The following MTUS2 variants were observed in gnomAD, a reference collection of about 807,000 sequenced individuals.
The protein encoded by MTUS2 is microtubule associated scaffold protein 2.
MTUS2 carries 40 observed loss-of-function variants against 114.1 expected under a neutral mutation model. The ratio of observed to expected loss-of-function variants is 0.35; its 90% CI spans 0.27 to 0.46. The LOEUF is 0.46. Ranked by LOEUF, MTUS2 falls within the 20% of genes least tolerant of loss-of-function variation. The pLI is 1.00. For synonymous variants in MTUS2, 688 were observed against 672.0 expected, an observed-to-expected ratio of 1.02 and a Z score of -0.37; for missense variants, 1,679 against 1,705.4, an observed-to-expected ratio of 0.98 and a Z score of 0.27.
intron 4 of MTUS2, among the ~76,000 whole-genome samples, chr13:29,079,535 G>A (rs953030450): frequency 6.6e-6 from 1 of 152,014 alleles, no homozygotes; most frequent in African/African-American, 2.4e-5. Flanking sequence ...CAAGAGTTTT[G>A]TAGTTTTTTC....
chr13:29,130,917 A>T (rs1887749), intron 5 of MTUS2, among the ~76,000 whole-genome samples: 1 of 152,042 alleles, frequency 6.6e-6, no homozygotes, highest in Non-Finnish European at 1.5e-5. Flanking sequence ...AACTACTGCA[A>T]CCAGCCTATT....
intron 5 of MTUS2, among the ~76,000 whole-genome samples, chr13:29,217,702 T>C (rs531773922): frequency 6.6e-6 from 1 of 152,268 alleles, no homozygotes; most frequent in African/African-American, 2.4e-5. Flanking sequence ...TAACACATGA[T>C]GCTGTTTGAT....
intron 5 of MTUS2, among the ~76,000 whole-genome samples, chr13:29,189,272 G>A (rs1277936204): frequency 6.6e-6 from 1 of 152,194 alleles, no homozygotes; most frequent in African/African-American, 2.4e-5. Flanking sequence ...TGAACTTTTA[G>A]AAAGTATCTT....
At chr13:28,853,028 G>A (rs1876395896) in intron 2 of MTUS2, among the ~76,000 whole-genome samples, 1 of 122,736 alleles carries the variant, frequency 8.1e-6, no homozygotes, top group Non-Finnish European at 1.8e-5. Flanking sequence ...TCCTATGGAT[G>A]GATGGCATCT....
At chr13:28,970,706 T>C (rs1010887346) in intron 2 of MTUS2, among the ~76,000 whole-genome samples, 5 of 152,232 alleles carry the variant, frequency 3.3e-5, no homozygotes, top group African/African-American at 9.6e-5. Flanking sequence ...AAACTTAGTT[T>C]TCCCGGCCCT....
intron 5 of MTUS2, chr13:29,239,675 G>A (rs1896663504): frequency 6.6e-6 from 1 of 152,170 alleles, no homozygotes; most frequent in Non-Finnish European, 1.5e-5. Context: ...ACACATGTGT[G>A]GGGAAGGGCA....
intron 5 of MTUS2, among the ~76,000 whole-genome samples, chr13:29,157,258 A>G (rs1403098285): frequency 6.6e-6 from 1 of 152,096 alleles, no homozygotes; most frequent in Non-Finnish European, 1.5e-5. Context: ...TCATGTGCAC[A>G]CCTCTACCAC....
intron 8 of MTUS2, among the ~76,000 whole-genome samples, chr13:29,374,349 T>C (rs1342897161): frequency 6.6e-6 from 1 of 151,740 alleles, no homozygotes; most frequent in Non-Finnish European, 1.5e-5. Flanking sequence ...GGAAGCTCAG[T>C]GAACCACAAA....
chr13:29,454,693 G>A (rs1390376789), intron 9 of MTUS2, among the ~76,000 whole-genome samples: 1 of 152,168 alleles, frequency 6.6e-6, no homozygotes, highest in African/African-American at 2.4e-5. Context: ...GTAATCAGTG[G>A]CTGCTCAGTG....
chr13:29,268,181 T>C (rs556673749), intron 5 of MTUS2, among the ~76,000 whole-genome samples: 1 of 152,156 alleles, frequency 6.6e-6, no homozygotes, highest in East Asian at 1.9e-4. Flanking sequence ...CGGTGTGTGA[T>C]AGGCATCAGA....
chr13:29,090,599 G>A (rs1275996363), intron 4 of MTUS2, among the ~76,000 whole-genome samples: 1 of 152,220 alleles, frequency 6.6e-6, no homozygotes, highest in South Asian at 2.1e-4. Context: ...AACTATGGCA[G>A]TGGCTGCCAG....
At chr13:28,874,605 G>A (rs1877822899) in intron 2 of MTUS2, among the ~76,000 whole-genome samples, 1 of 152,134 alleles carries the variant, frequency 6.6e-6, no homozygotes, top group Non-Finnish European at 1.5e-5. Flanking sequence ...GCTGCTTGAG[G>A]GTCCTCAAGG....
intron 5 of MTUS2, among the ~76,000 whole-genome samples, chr13:29,252,165 T>G (rs1412862438): frequency 6.6e-6 from 1 of 152,142 alleles, no homozygotes; most frequent in African/African-American, 2.4e-5. Context: ...AGTATTTTTA[T>G]AATTACTATC....
At chr13:28,870,808 C>T (rs971016380) in intron 2 of MTUS2, among the ~76,000 whole-genome samples, 3 of 152,152 alleles carry the variant, frequency 2.0e-5, no homozygotes, top group African/African-American at 7.2e-5. Context: ...TGAAATCCCC[C>T]TCTCTTCCTC....
intron 2 of MTUS2, among the ~76,000 whole-genome samples, chr13:28,852,109 A>C (rs1201065602): frequency 6.6e-6 from 1 of 152,078 alleles, no homozygotes; most frequent in Non-Finnish European, 1.5e-5. Context: ...CTCTGCTTGC[A>C]GGATTACTCC....
In MTUS2 at chr13:29,502,567, C is replaced by T. The variant is rs191620799; in HGVS notation, c.3897-426C>T. Among the ~76,000 whole-genome samples the T allele has an allele frequency of 7.2e-4, 109 of 152,374 alleles. No homozygotes were observed. In the East Asian group the frequency reaches 0.019, roughly 26 times the overall value. ...GGAGGCCAGGAGAAGGCACCCCCAG[C>T]TTCCTGGCAGTCTCAGGAAGGCCCG... On this transcript the variant is annotated intron_variant, in intron 15 of 15. Coordinates refer to ENST00000612955, the MANE Select transcript of MTUS2 (RefSeq NM_001033602.4).
intron 2 of MTUS2, among the ~76,000 whole-genome samples, chr13:28,904,332 C>T (rs1272490217): frequency 1.3e-5 from 2 of 152,124 alleles, no homozygotes; most frequent in East Asian, 1.9e-4. Context: ...CTTGCCCATG[C>T]CTATGTCCTG....
intron 2 of MTUS2, among the ~76,000 whole-genome samples, chr13:28,919,863 A>G (rs1046643424): frequency 6.6e-6 from 1 of 152,094 alleles, no homozygotes; most frequent in Admixed American, 6.5e-5. Context: ...ACTCTGATGT[A>G]CTCTTCAATA....
intron 7 of MTUS2, among the ~76,000 whole-genome samples, chr13:29,355,677 T>C (rs1413197801): frequency 2.0e-5 from 3 of 152,212 alleles, no homozygotes; most frequent in African/African-American, 7.2e-5. Flanking sequence ...TCAAATGTTT[T>C]TGTCGCCAAA....
Sources: gnomAD v4.1 joint callset for allele counts (sites outside exome capture counted in the v4.1 genomes callset) on GRCh38, gnomAD v4.1.1 for gene constraint, MANE v1.5 for transcripts, NCBI Gene and HGNC (gene_info 2026-07-23, HGNC 2026-07-21) for gene names.